The following PHACTR1 variants were observed in gnomAD, a reference collection of about 807,000 sequenced individuals.
The protein encoded by PHACTR1 is phosphatase and actin regulator 1.
In PHACTR1, 16 loss-of-function variants were observed where a neutral mutation model predicts 69.2. The ratio of observed to expected loss-of-function variants is 0.23; its 90% CI spans 0.16 to 0.35. The LOEUF is 0.35. Among genes scored for constraint, PHACTR1 ranks in the 10% least tolerant of loss-of-function variants. The probability of loss-of-function intolerance (pLI) is 1.00; values close to 1 mark genes in which losing one functional copy is unlikely to be tolerated. For missense variants in PHACTR1, 510 were observed against 734.7 expected (o/e 0.69, Z 3.54); for synonymous variants, 312 against 284.5 (o/e 1.10, Z -0.97).
intron 4 of PHACTR1, among the ~76,000 whole-genome samples, chr6:12,834,038 A>G (rs1777881354): frequency 6.6e-6 from 1 of 152,130 alleles, no homozygotes; most frequent in African/African-American, 2.4e-5. Context: ...ACAGTAGGCT[A>G]TGGTCACTCT....
At chr6:13,058,497 G>T (rs60196827) in intron 5 of PHACTR1, among the ~76,000 whole-genome samples, 2,307 of 152,264 alleles carry the variant, frequency 0.015, 69 homozygotes, top group African/African-American at 0.053. Flanking sequence ...CTGGCTCTGG[G>T]TATATAGCCA....
At chr6:13,061,081 C>G (rs1453262686) in intron 5 of PHACTR1, among the ~76,000 whole-genome samples, 1 of 152,094 alleles carries the variant, frequency 6.6e-6, no homozygotes, top group Non-Finnish European at 1.5e-5. Context: ...CTTGGTGTTC[C>G]TTGGCTGGCA....
chr6:12,996,783 A>G (rs1797457260), intron 4 of PHACTR1, among the ~76,000 whole-genome samples: 1 of 152,260 alleles, frequency 6.6e-6, no homozygotes. Flanking sequence ...ATACAGATCA[A>G]TCTAATTTAT....
At chr6:12,784,688 G>A (rs1401367267) in intron 4 of PHACTR1, among the ~76,000 whole-genome samples, 1 of 151,212 alleles carries the variant, frequency 6.6e-6, no homozygotes, top group Non-Finnish European at 1.5e-5. Flanking sequence ...ATCCACACGT[G>A]TATATATATG....
At chr6:12,749,386 G>C (rs557984606) in intron 3 of PHACTR1, 13 of 554,534 alleles carry the variant, frequency 2.3e-5, no homozygotes, top group Non-Finnish European at 3.9e-5. Flanking sequence ...GCCAGCCAGG[G>C]ATAGCCTGAT....
At chr6:13,129,047 G>A (rs1254986623) in intron 5 of PHACTR1, among the ~76,000 whole-genome samples, 1 of 152,132 alleles carries the variant, frequency 6.6e-6, no homozygotes, top group African/African-American at 2.4e-5. Context: ...TGTATTCAGT[G>A]AAACTAAGTT....
At chr6:13,265,264 A>AT (rs1438942012) in intron 10 of PHACTR1, among the ~76,000 whole-genome samples, 1 of 151,770 alleles carries the variant, frequency 6.6e-6, no homozygotes, top group East Asian at 1.9e-4. Context: ...CCCAGTGGGC[A>AT]TTTTTTTCAG....
intron 5 of PHACTR1, among the ~76,000 whole-genome samples, chr6:13,061,097 A>G (rs998253409): frequency 6.6e-6 from 1 of 152,092 alleles, no homozygotes; most frequent in Non-Finnish European, 1.5e-5. Context: ...TGGCAGCTGT[A>G]TAATTTGAAT....
rs767643860 is a variant in PHACTR1 at position 13,230,197 on chromosome 6, G to C, written c.1391+4G>C. On this transcript the variant is annotated splice_donor_region_variant and intron_variant, in intron 10 of 14. Coordinates refer to ENST00000332995, the MANE Select transcript of PHACTR1 (RefSeq NM_030948.6). The stretch of plus-strand genomic sequence containing the variant: ...AGATTGGCACCAAGCTCACCAGGTA[G>C]GACAGCGGCACCCTCTGCCTCCCTG... 2.5e-6 allele frequency: 4 copies of C among 1,606,304 alleles called. No homozygotes were observed. The Admixed American group carries it at 5.1e-5, about 20-fold the overall frequency.
intron 5 of PHACTR1, among the ~76,000 whole-genome samples, chr6:13,099,066 C>A (rs1256484221): frequency 6.6e-6 from 1 of 152,236 alleles, no homozygotes; most frequent in East Asian, 1.9e-4. Flanking sequence ...TCACTCCAGC[C>A]ACACAGCCAC....
chr6:13,120,469 C>T (rs192346696), intron 5 of PHACTR1, among the ~76,000 whole-genome samples: 6 of 152,272 alleles, frequency 3.9e-5, no homozygotes, highest in East Asian at 1.9e-4. Flanking sequence ...GGCTGACTGT[C>T]GAAGCACGCT....
At chr6:13,016,875 C>G (rs2127658344) in intron 4 of PHACTR1, among the ~76,000 whole-genome samples, 1 of 152,282 alleles carries the variant, frequency 6.6e-6, no homozygotes, top group East Asian at 1.9e-4. Flanking sequence ...GACTCACACC[C>G]TCATCTGTTT....
chr6:12,778,270 G>T (rs566107211), intron 4 of PHACTR1, among the ~76,000 whole-genome samples: 2 of 152,090 alleles, frequency 1.3e-5, no homozygotes, highest in Non-Finnish European at 2.9e-5. Flanking sequence ...TCAAATATAG[G>T]CTACAAAATC....
At chr6:13,263,437 AC>A (rs1295285013) in intron 10 of PHACTR1, among the ~76,000 whole-genome samples, 2 of 151,932 alleles carry the variant, frequency 1.3e-5, no homozygotes, top group Admixed American at 1.3e-4. Context: ...TTAAACAGGA[AC>A]CCAGAGATTT....
At chr6:12,753,379 A>G (rs1766859209) in intron 4 of PHACTR1, among the ~76,000 whole-genome samples, 1 of 152,198 alleles carries the variant, frequency 6.6e-6, no homozygotes, top group African/African-American at 2.4e-5. Flanking sequence ...AAGCTGCTGA[A>G]ACTGAAAAAC....
intron 4 of PHACTR1, among the ~76,000 whole-genome samples, chr6:12,848,445 A>T (rs1779508756): frequency 6.6e-6 from 1 of 152,206 alleles, no homozygotes; most frequent in Admixed American, 6.5e-5. Flanking sequence ...CATTAGACTG[A>T]ATCAAGGCGC....
intron 5 of PHACTR1, among the ~76,000 whole-genome samples, chr6:13,095,789 A>G (rs1814138713): frequency 1.9e-5 from 2 of 102,776 alleles, no homozygotes; most frequent in African/African-American, 7.7e-5. Flanking sequence ...TTGTTAGACC[A>G]GGCTTGTAAA....
chr6:13,220,719 A>G (rs1768471630), intron 8 of PHACTR1, among the ~76,000 whole-genome samples: 1 of 152,180 alleles, frequency 6.6e-6, no homozygotes, highest in Non-Finnish European at 1.5e-5. Context: ...CTCCTTTCAC[A>G]AAGATAATTT....
At chr6:13,232,744 G>T (rs6928740) in intron 10 of PHACTR1, among the ~76,000 whole-genome samples, 3 of 151,760 alleles carry the variant, frequency 2.0e-5, no homozygotes, top group Admixed American at 6.6e-5. Flanking sequence ...ACGAGATCTC[G>T]GTTCTGAGGG....
Sources: allele counts gnomAD v4.1 joint callset (sites outside exome capture counted in the v4.1 genomes callset), GRCh38; gene constraint gnomAD v4.1.1; transcripts MANE v1.5; gene names NCBI Gene and HGNC (gene_info 2026-07-23, HGNC 2026-07-21).